The following VWDE variants were observed in gnomAD, a reference collection of about 807,000 sequenced individuals.
VWDE encodes the protein von Willebrand factor D and EGF domains.
A neutral mutation model predicts 178.4 loss-of-function variants in VWDE; 207 were observed. The ratio of observed to expected loss-of-function variants is 1.16; its 90% CI spans 1.04 to 1.30. The LOEUF (loss-of-function observed/expected upper bound fraction) is 1.30. Ranked by LOEUF, VWDE falls within the 50% of genes most tolerant of loss-of-function variation. The pLI is 0.00. For synonymous variants in VWDE, 738 were observed against 651.4 expected (o/e 1.13, Z -2.02); for missense variants, 2,287 against 1,901.3 (o/e 1.20, Z -3.77).
chr7:12,340,877 A>T (rs1318434587), intron 23 of VWDE, among the ~76,000 whole-genome samples: 1 of 152,222 alleles, frequency 6.6e-6, no homozygotes, highest in African/African-American at 2.4e-5. Flanking sequence ...TCCCAATTAA[A>T]ATGAGAACAC....
chr7:12,375,841 A>T (rs974401286), intron 7 of VWDE, among the ~76,000 whole-genome samples: 1 of 152,054 alleles, frequency 6.6e-6, no homozygotes, highest in African/African-American at 2.4e-5. Context: ...GATAACAAAG[A>T]AAAAATAATT....
chr7:12,338,999 A>T (rs1781186135), intron 24 of VWDE, among the ~76,000 whole-genome samples: 1 of 152,136 alleles, frequency 6.6e-6, no homozygotes, highest in Non-Finnish European at 1.5e-5. Flanking sequence ...ATTTAGGCTC[A>T]CAACAAGATG....
chr7:12,372,025 G>A (rs759633136), intron 10 of VWDE, among the ~76,000 whole-genome samples: 1 of 151,960 alleles, frequency 6.6e-6, no homozygotes, highest in Non-Finnish European at 1.5e-5. Context: ...TGGAAAGACT[G>A]TTACTAAATG....
chr7:12,386,474 C>A (rs1285089083), intron 3 of VWDE, among the ~76,000 whole-genome samples: 1 of 152,180 alleles, frequency 6.6e-6, no homozygotes, highest in Non-Finnish European at 1.5e-5. Context: ...GCAGAGCTCC[C>A]TAAATGATCA....
At chr7:12,383,812 T>C (rs1783970588) in intron 3 of VWDE, among the ~76,000 whole-genome samples, 1 of 152,164 alleles carries the variant, frequency 6.6e-6, no homozygotes, top group African/African-American at 2.4e-5. Flanking sequence ...AGCTTTAATA[T>C]CTTATTTTCT....
chr7:12,392,737 A>G (rs1784442314), intron 2 of VWDE, among the ~76,000 whole-genome samples: 1 of 152,022 alleles, frequency 6.6e-6, no homozygotes, highest in Non-Finnish European at 1.5e-5. Context: ...CTAGTTCACT[A>G]TACAAGACAA....
chr7:12,352,093 A>G (rs554441877), intron 18 of VWDE, among the ~76,000 whole-genome samples: 2 of 152,296 alleles, frequency 1.3e-5, no homozygotes, highest in East Asian at 3.9e-4. Context: ...AACCAGAGAT[A>G]TCTCACCACA....
chr7:12,342,850 A>G (rs1368320393), intron 22 of VWDE, among the ~76,000 whole-genome samples: 1 of 143,418 alleles, frequency 7.0e-6, no homozygotes, highest in Non-Finnish European at 1.5e-5. Context: ...ACCCCACAAC[A>G]GTCCCCAGAG....
chr7:12,383,815 T>C (rs1416951280), intron 3 of VWDE, among the ~76,000 whole-genome samples: 1 of 152,154 alleles, frequency 6.6e-6, no homozygotes, highest in African/African-American at 2.4e-5. Context: ...TTTAATATCT[T>C]ATTTTCTAAG....
At chr7:12,396,861 G>C (rs1381554588) in intron 1 of VWDE, among the ~76,000 whole-genome samples, 1 of 152,134 alleles carries the variant, frequency 6.6e-6, no homozygotes, top group Non-Finnish European at 1.5e-5. Flanking sequence ...CTTGAACCCA[G>C]GAGATGGAAG....
chr7:12,360,632 C>G (rs528438944), intron 15 of VWDE, among the ~76,000 whole-genome samples: 2 of 152,192 alleles, frequency 1.3e-5, no homozygotes, highest in South Asian at 4.1e-4. Context: ...ATACGGAAGG[C>G]TGGATATAGA....
chr7:12,389,159 G>C lies in VWDE; in HGVS notation c.443C>G (p.Pro148Arg). The change falls in exon 3 of 29, where the codon CCA becomes CGA. Residue 148 changes from proline (P) to arginine (R), a missense_variant. Pro to Arg is a moderately radical substitution (Grantham distance 103). Coordinates refer to ENST00000275358, the MANE Select transcript of VWDE (RefSeq NM_001135924.3). Reference protein sequence around the residue: ...CGNFSVYLLQPTQGCMGYCAE... With the variant: ...CGNFSVYLLQRTQGCMGYCAE... ...ACAGTAGCCCATACATCCCTGAGTT[G>C]GTTGTAGTAAGTATACAGAAAAGTT... 6.4e-7 allele frequency: 1 copy of C among 1,551,454 alleles called. No homozygotes were observed. The highest frequency in any genetic ancestry group is 1.4e-5 in the African/African-American group (1 of 73,130).
intron 13 of VWDE, among the ~76,000 whole-genome samples, chr7:12,366,403 C>T (rs1782862533): frequency 6.6e-6 from 1 of 152,062 alleles, no homozygotes; most frequent in Non-Finnish European, 1.5e-5. Context: ...TCGCTCCTGG[C>T]ACATCACTTA....
intron 19 of VWDE, among the ~76,000 whole-genome samples, chr7:12,350,964 T>C (rs192937582): frequency 6.2e-4 from 94 of 152,208 alleles, no homozygotes; most frequent in Non-Finnish European, 1.2e-3. Flanking sequence ...GAGAATCCAC[T>C]ATAAACCGTA....
intron 16 of VWDE, among the ~76,000 whole-genome samples, chr7:12,358,456 T>C (rs1311061198): frequency 6.6e-6 from 1 of 152,120 alleles, no homozygotes; most frequent in African/African-American, 2.4e-5. Flanking sequence ...AATCTCTTTT[T>C]ATATTGTCTT....
chr7:12,383,735 A>G, intron 3 of VWDE, 134 bp from the exon 4 acceptor site: 1 of 752,060 alleles, frequency 1.3e-6, no homozygotes, highest in East Asian at 3.0e-5. Flanking sequence ...CTTATTTCAT[A>G]ACATTTTTTT....
chr7:12,378,170 A>T (rs1783642255), intron 6 of VWDE, among the ~76,000 whole-genome samples: 1 of 152,184 alleles, frequency 6.6e-6, no homozygotes, highest in South Asian at 2.1e-4. Flanking sequence ...TTGGCAAATC[A>T]TATCCAAGCC....
At chr7:12,386,680 C>T (rs1784114146) in intron 3 of VWDE, among the ~76,000 whole-genome samples, 1 of 152,224 alleles carries the variant, frequency 6.6e-6, no homozygotes, top group South Asian at 2.1e-4. Flanking sequence ...CTCCAGCTCT[C>T]AGCATCAGTG....
At chr7:12,382,559 G>A (rs1783904434) in intron 4 of VWDE, among the ~76,000 whole-genome samples, 1 of 151,780 alleles carries the variant, frequency 6.6e-6, no homozygotes, top group Non-Finnish European at 1.5e-5. Context: ...AAAATACCAA[G>A]CATAATCATT....
Sources: gnomAD v4.1 joint callset for allele counts (sites outside exome capture counted in the v4.1 genomes callset) on GRCh38, gnomAD v4.1.1 for gene constraint, MANE v1.5 for transcripts, NCBI Gene and HGNC (gene_info 2026-07-23, HGNC 2026-07-21) for gene names.